Variants in TUSC3 observed in about 807,000 individuals in gnomAD.
The protein encoded by TUSC3 is tumor suppressor candidate 3.
A neutral mutation model predicts 44.8 loss-of-function variants in TUSC3; 45 were observed. That is an observed-to-expected ratio of 1.00 (90% CI 0.79 to 1.29). The LOEUF (loss-of-function observed/expected upper bound fraction) is 1.29. TUSC3 is among the 50% of genes most tolerant of loss of function. TUSC3 has a pLI of 0.00. For synonymous variants in TUSC3, 212 were observed against 152.9 expected (o/e 1.39, Z -2.85); for missense variants, 519 against 437.9 (o/e 1.19, Z -1.65).
In TUSC3 at chr8:15,457,743, A is replaced by G. The variant is rs185083207; in HGVS notation, n.92-25643A>G. 3.6e-4 allele frequency among the ~76,000 whole-genome samples: 53 copies of G among 148,432 alleles called. 1 individual carries two copies. The highest frequency in any genetic ancestry group is 3.6e-3 in the Middle Eastern group (1 of 278). On this transcript the variant is annotated intron_variant and non_coding_transcript_variant, in intron 1 of 5. Transcript: ENST00000503191. ...ATCTAATAAAATAAAATATCTAATA[A>G]TTTAAAATAAAATAGATAAATTAGA...
At chr8:15,587,926 T>TTA (rs545694654) in intron 1 of TUSC3, among the ~76,000 whole-genome samples, 59 of 152,194 alleles carry the variant, frequency 3.9e-4, no homozygotes, top group Non-Finnish European at 6.9e-4. Context: ...TAATATTCTA[T>TTA]TATATATATA....
In TUSC3 at chr8:15,569,949, C is replaced by T. The variant is rs563727716; in HGVS notation, c.138+29381C>T. ...AAATTTTGTCATACTGCTTCAGTCA[C>T]TTCATCGCTTAAGAGGCAATTCATT... is the stretch of plus-strand genomic sequence containing the variant. On this transcript the variant is annotated intron_variant, in intron 1 of 10. Transcript: ENST00000503731. Among the ~76,000 whole-genome samples, 6 of 152,164 alleles carry T rather than the reference C, an allele frequency of 3.9e-5. No homozygotes were observed. In the South Asian group the frequency reaches 8.3e-4, roughly 21 times the overall value.
chr8:15,434,350 T>G (rs975985364), intron 1 of TUSC3, among the ~76,000 whole-genome samples: 4 of 152,180 alleles, frequency 2.6e-5, no homozygotes, highest in Admixed American at 2.0e-4. Flanking sequence ...AAATTCTTTG[T>G]CAGATACATG....
At chr8:15,583,646 G>C (rs1803472428) in intron 1 of TUSC3, among the ~76,000 whole-genome samples, 1 of 152,186 alleles carries the variant, frequency 6.6e-6, no homozygotes, top group Non-Finnish European at 1.5e-5. Flanking sequence ...TGCTTAGTGG[G>C]ATAGCAGGAT....
the TUSC3 span, among the ~76,000 whole-genome samples, chr8:15,772,834 G>C: frequency 6.6e-6 from 1 of 152,128 alleles, no homozygotes; most frequent in African/African-American, 2.4e-5. Context: ...GAAATGCGAA[G>C]GTGGTTCAAC....
the TUSC3 span, among the ~76,000 whole-genome samples, chr8:15,826,340 T>C: frequency 6.6e-6 from 1 of 152,158 alleles, no homozygotes; most frequent in Non-Finnish European, 1.5e-5. Context: ...AGACAGCGAA[T>C]AAATAACAAG....
intron 2 of TUSC3, among the ~76,000 whole-genome samples, chr8:15,647,234 G>A (rs1806672149): frequency 6.6e-6 from 1 of 152,084 alleles, no homozygotes; most frequent in South Asian, 2.1e-4. Flanking sequence ...TGGCAAAGTA[G>A]TAGGTTATCA....
chr8:15,519,867 G>C (rs1312529255), intron 2 of TUSC3, among the ~76,000 whole-genome samples: 1 of 152,186 alleles, frequency 6.6e-6, no homozygotes, highest in Non-Finnish European at 1.5e-5. Context: ...CTCATTTAAT[G>C]ATGTGTTCAT....
chr8:15,473,141 G>C (rs1800518720), intron 1 of TUSC3, among the ~76,000 whole-genome samples: 1 of 152,142 alleles, frequency 6.6e-6, no homozygotes, highest in African/African-American at 2.4e-5. Context: ...TATGTGCTCA[G>C]CAAAAGAATA....
intron 3 of TUSC3, among the ~76,000 whole-genome samples, chr8:15,656,543 C>T (rs1393714898): frequency 6.6e-6 from 1 of 152,176 alleles, no homozygotes; most frequent in Non-Finnish European, 1.5e-5. Context: ...GTCCCATCAT[C>T]TGGGCACACT....
chr8:15,827,302 C>A, the TUSC3 span, among the ~76,000 whole-genome samples: 2 of 152,098 alleles, frequency 1.3e-5, no homozygotes, highest in Non-Finnish European at 2.9e-5. Flanking sequence ...GGAGCAGTAA[C>A]GGCTGAAGAC....
At chr8:15,843,619 T>C in the TUSC3 span, among the ~76,000 whole-genome samples, 90,490 of 142,898 alleles carry the variant, frequency 0.63, 30,242 homozygotes, top group Non-Finnish European at 0.75. Flanking sequence ...TATATATATA[T>C]ATACACGCAC....
chr8:15,600,576 G>C (rs1380170242), intron 1 of TUSC3, among the ~76,000 whole-genome samples: 1 of 151,602 alleles, frequency 6.6e-6, no homozygotes, highest in African/African-American at 2.4e-5. Context: ...GTCTTAGTGG[G>C]TTACAGATTA....
intron 2 of TUSC3, among the ~76,000 whole-genome samples, chr8:15,527,461 C>T (rs1056981671): frequency 6.6e-6 from 1 of 152,202 alleles, no homozygotes; most frequent in Admixed American, 6.5e-5. Flanking sequence ...ACGTGATCCA[C>T]CTGCCCCGGC....
intron 6 of TUSC3, 48 bp downstream of exon 6, chr8:15,673,884 A>C (rs1248677444): frequency 6.9e-7 from 1 of 1,459,536 alleles, no homozygotes; most frequent in Admixed American, 1.7e-5. Context: ...AATCCAGCTT[A>C]ATTTAGGAAT....
intron 6 of TUSC3, among the ~76,000 whole-genome samples, chr8:15,681,649 A>G (rs1213195324): frequency 6.8e-6 from 1 of 146,410 alleles, no homozygotes; most frequent in Non-Finnish European, 1.5e-5. Context: ...CTTTATATGG[A>G]TTTCTGGGCT....
chr8:15,670,201 AT>A, intron 5 of TUSC3, among the ~76,000 whole-genome samples: 1 of 151,864 alleles, frequency 6.6e-6, no homozygotes, highest in Non-Finnish European at 1.5e-5. Context: ...ATTTGTGCAG[AT>A]TTTTTTCTGT....
chr8:15,430,473 G>A (rs887363875), intron 1 of TUSC3, among the ~76,000 whole-genome samples: 10 of 150,468 alleles, frequency 6.6e-5, no homozygotes, highest in Non-Finnish European at 1.3e-4. Flanking sequence ...TTGATGGGAT[G>A]TATCTCAAAA....
At chr8:15,759,523 A>G (rs1356898377) in intron 10 of TUSC3, among the ~76,000 whole-genome samples, 1 of 152,116 alleles carries the variant, frequency 6.6e-6, no homozygotes, top group Admixed American at 6.6e-5. Context: ...ATTATTTGCT[A>G]CCTGTTCAGA....
Sources: allele counts gnomAD v4.1 joint callset (sites outside exome capture counted in the v4.1 genomes callset), GRCh38; gene constraint gnomAD v4.1.1; transcripts MANE v1.5; gene names NCBI Gene and HGNC (gene_info 2026-07-23, HGNC 2026-07-21).